Variants in TTLL5 observed in about 807,000 individuals in gnomAD.
TTLL5 encodes the protein tubulin polyglutamylase TTLL5.
TTLL5 carries 132 observed loss-of-function variants against 168.4 expected under a neutral mutation model. The ratio of observed to expected loss-of-function variants is 0.78; its 90% CI spans 0.68 to 0.91. TTLL5 has a LOEUF of 0.91. Among genes scored for constraint, TTLL5 ranks in the 40% least tolerant of loss-of-function variants. TTLL5 has a pLI of 0.00. For synonymous variants in TTLL5, 546 were observed against 558.6 expected (o/e 0.98, Z 0.32); for missense variants, 1,545 against 1,581.5 (o/e 0.98, Z 0.39).
At chr14:75,669,609 G>T in intron 3 of TTLL5, 87 bp downstream of exon 3, 1 of 1,083,126 alleles carries the variant, frequency 9.2e-7, no homozygotes, top group Non-Finnish European at 1.3e-6. Flanking sequence ...ATATATATAG[G>T]GAAAGGGCCT....
intron 26 of TTLL5, among the ~76,000 whole-genome samples, chr14:75,785,431 G>A (rs559504500): frequency 1.1e-4 from 17 of 152,252 alleles, no homozygotes; most frequent in African/African-American, 3.9e-4. Context: ...ACCCACCTTG[G>A]CCTCCCCAAA....
rs1205331837 is a variant in TTLL5, at chr14:75,837,437, A to G, written c.3326+17276A>G. 4 of 152,368 alleles carry G rather than the reference A, an allele frequency of 2.6e-5. No homozygotes were observed. In the East Asian group the frequency reaches 5.8e-4, roughly 22 times the overall value. 9.4% of individuals were successfully genotyped at this position (152,368 alleles called of 1,614,324 possible). A position where few individuals can be genotyped will look rare whatever the true frequency, so the allele number is the denominator to read the frequency against. On this transcript the variant is annotated intron_variant, in intron 28 of 31. Coordinates refer to ENST00000298832, the MANE Select transcript of TTLL5 (RefSeq NM_015072.5). ...ATTTTAAAAATTGTGGTAAAACACAATATAAAGTTTACCATCTTAACCATT... is the reference window on the plus strand; with the variant it reads ...ATTTTAAAAATTGTGGTAAAACACAGTATAAAGTTTACCATCTTAACCATT...
At chr14:75,710,633 G>A (rs1038915709) in intron 9 of TTLL5, 1 of 152,204 alleles carries the variant, frequency 6.6e-6, no homozygotes, top group Non-Finnish European at 1.5e-5. Context: ...GGAGTCCTGC[G>A]AGGGCACATT....
intron 29 of TTLL5, among the ~76,000 whole-genome samples, chr14:75,875,564 A>G (rs898968030): frequency 6.6e-6 from 1 of 151,966 alleles, no homozygotes; most frequent in African/African-American, 2.4e-5. Context: ...AAAAAAATAT[A>G]TTGTGAACAT....
intron 31 of TTLL5, chr14:75,904,028 C>T: frequency 9.5e-7 from 1 of 1,051,566 alleles, no homozygotes; most frequent in Non-Finnish European, 1.2e-6. Flanking sequence ...GTAACTACAC[C>T]CGGGCCACTA....
chr14:75,776,647 C>A, intron 22 of TTLL5, 100 bp from the exon 23 acceptor site: 1 of 766,850 alleles, frequency 1.3e-6, no homozygotes, highest in Non-Finnish European at 2.1e-6. Context: ...ACTATAAGGA[C>A]AGATTAACTC....
intron 29 of TTLL5, among the ~76,000 whole-genome samples, chr14:75,872,538 G>A (rs2031121058): frequency 6.6e-6 from 1 of 152,092 alleles, no homozygotes; most frequent in African/African-American, 2.4e-5. Flanking sequence ...GTGATGATGA[G>A]GAGACACAGG....
intron 31 of TTLL5, among the ~76,000 whole-genome samples, chr14:75,920,287 T>G (rs1242919384): frequency 6.6e-6 from 1 of 152,186 alleles, no homozygotes; most frequent in Non-Finnish European, 1.5e-5. Context: ...TTTTTAAATT[T>G]AAGTTCTAGG....
intron 4 of TTLL5, among the ~76,000 whole-genome samples, chr14:75,681,979 C>G (rs1884652010): frequency 1.3e-5 from 2 of 151,892 alleles, no homozygotes; most frequent in South Asian, 4.2e-4. Flanking sequence ...ATCCCAAGGT[C>G]AGGAGATCGA....
chr14:75,813,916 G>A (rs890702892), intron 27 of TTLL5, among the ~76,000 whole-genome samples: 1 of 151,672 alleles, frequency 6.6e-6, no homozygotes, highest in Admixed American at 6.6e-5. Flanking sequence ...TTCGTAGGTT[G>A]GCAAGCCTAG....
intron 29 of TTLL5, 49 bp downstream of exon 29, chr14:75,863,911 T>TAAAAGAAAAAA (rs2030251646): frequency 1.2e-5 from 1 of 86,234 alleles, no homozygotes; most frequent in East Asian, 3.7e-4. Flanking sequence ...CTGCTGTTGG[T>TAAAAGAAAAAA]AAAAAAAAAA....
intron 28 of TTLL5, among the ~76,000 whole-genome samples, chr14:75,834,169 C>T (rs1212645536): frequency 2.0e-5 from 3 of 152,026 alleles, no homozygotes; most frequent in African/African-American, 7.2e-5. Context: ...CAGAGGAAAA[C>T]CAGGATTGAT....
At chr14:75,740,184 T>C (rs1183984125) in intron 15 of TTLL5, among the ~76,000 whole-genome samples, 1 of 152,212 alleles carries the variant, frequency 6.6e-6, no homozygotes, top group East Asian at 1.9e-4. Flanking sequence ...CAAAGACATT[T>C]AATATATTGC....
Position 75,684,097 on chromosome 14 carries a change from G to A in TTLL5, c.371+441G>A, listed in dbSNP as rs78062892. The A allele has an allele frequency of 1.2e-3, 222 of 182,360 alleles. 1 individual carries two copies. Among genetic ancestry groups the A allele is most frequent in the African/African-American group, 5.1e-3 (214 of 42,104 alleles). The allele number at this position is 182,360 out of a possible 1,614,324, so 11.3% of individuals were successfully genotyped here. A position where few individuals can be genotyped will look rare whatever the true frequency, so the allele number is the denominator to read the frequency against. On this transcript the variant is annotated intron_variant, in intron 5 of 31. Transcript: ENST00000298832. Reference sequence around the variant, plus strand: ...CCAGAAGAAGAAATTTTTCTGGTACGGAACAGCACTCTGCAAATCAAACTG... The same window carrying A: ...CCAGAAGAAGAAATTTTTCTGGTACAGAACAGCACTCTGCAAATCAAACTG...
Position 75,782,487 on chromosome 14 carries a change from AT to A in TTLL5, c.2517del (p.His840ThrfsTer5). The A allele has an allele frequency of 1.2e-6, 2 of 1,611,654 alleles. No individual in the cohort carries two copies. Among genetic ancestry groups the A allele is most frequent in the Non-Finnish European group, 1.7e-6 (2 of 1,178,814 alleles). ...CCAAGCTCATTATTTCTTATTTCAG[AT>A]CACCCTGAGACTATAATGGAAGAAG... ...NNYSDSGAKG[D>X]HPETIMEEVK... On this transcript the variant is annotated frameshift_variant and splice_region_variant, in exon 25 of 32. Coordinates refer to ENST00000298832, the MANE Select transcript of TTLL5 (RefSeq NM_015072.5). LOFTEE classifies it high-confidence loss of function.
intron 6 of TTLL5, among the ~76,000 whole-genome samples, chr14:75,695,332 C>T (rs1450530167): frequency 2.6e-5 from 4 of 152,216 alleles, no homozygotes; most frequent in Non-Finnish European, 5.9e-5. Context: ...CTGCTCTCAA[C>T]CCTGTCTCCT....
chr14:75,678,271 C>T (rs1404019733), intron 3 of TTLL5, among the ~76,000 whole-genome samples: 1 of 152,192 alleles, frequency 6.6e-6, no homozygotes, highest in Non-Finnish European at 1.5e-5. Context: ...TCACCCATTA[C>T]TTACATTTTG....
intron 31 of TTLL5, among the ~76,000 whole-genome samples, chr14:75,919,197 C>CAAAAAAAAA (rs10655974): frequency 7.1e-5 from 4 of 56,096 alleles, no homozygotes; most frequent in Admixed American, 3.0e-4. Flanking sequence ...AAGACCGTCT[C>CAAAAAAAAA]AAAAAAAAAA....
chr14:75,734,716 A>T (rs17183719), intron 14 of TTLL5, among the ~76,000 whole-genome samples: 5 of 152,198 alleles, frequency 3.3e-5, no homozygotes, highest in Admixed American at 3.3e-4. Flanking sequence ...TAGATAATCT[A>T]CAAAGCCAAT....
Sources: gnomAD v4.1 joint callset for allele counts (sites outside exome capture counted in the v4.1 genomes callset) on GRCh38, gnomAD v4.1.1 for gene constraint, MANE v1.5 for transcripts, NCBI Gene and HGNC (gene_info 2026-07-23, HGNC 2026-07-21) for gene names.